LMX1B: variants seen among roughly 807,000 people sequenced by gnomAD.
The protein encoded by LMX1B is LIM homeobox transcription factor 1-beta.
Under a neutral mutation model 51.4 loss-of-function variants are expected in LMX1B, and 12 were observed. The ratio of observed to expected loss-of-function variants is 0.23; its 90% CI spans 0.15 to 0.38. The LOEUF is 0.38. Ranked by LOEUF, LMX1B falls within the 10% of genes least tolerant of loss-of-function variation. The pLI is 1.00. For synonymous variants in LMX1B, 237 were observed against 235.4 expected (o/e 1.01, Z -0.06); for missense variants, 445 against 571.1 (o/e 0.78, Z 2.25).
Position 126,641,091 on chromosome 9 carries a change from G to C in LMX1B, c.326+25522G>C, listed in dbSNP as rs149794196. 6.6e-6 allele frequency: 1 copy of C among 152,532 alleles called. No individual in the cohort carries two copies. Among genetic ancestry groups the C allele is most frequent in the East Asian group, 1.9e-4 (1 of 5,194 alleles). 9.4% of individuals were successfully genotyped at this position (152,532 alleles called of 1,614,324 possible). A position where few individuals can be genotyped will look rare whatever the true frequency, so the allele number is the denominator to read the frequency against. Reference sequence around the variant, plus strand: ...ACACCGAGTTTCTCCACGAGGCACAGAGCTGAGTAGGCAACCTGGCACGGG... The same window carrying C: ...ACACCGAGTTTCTCCACGAGGCACACAGCTGAGTAGGCAACCTGGCACGGG... On this transcript the variant is annotated intron_variant, in intron 2 of 7. Transcript: ENST00000373474. The surrounding 1 kb of genome is among the most constrained non-coding windows in gnomAD (Gnocchi z 4.1).
Position 126,691,653 on chromosome 9 carries a change from G to A in LMX1B, c.559+585G>A, listed in dbSNP as rs553251565. On this transcript the variant is annotated intron_variant, in intron 3 of 7. Coordinates refer to ENST00000373474, the MANE Select transcript of LMX1B (RefSeq NM_001174147.2). The stretch of plus-strand genomic sequence containing the variant: ...TGCCTTGATGGCCCCCCACCAACCC[G>A]CAGCCCAGCTCCACAGGGGTCTTCA... 4.0e-5 allele frequency among the ~76,000 whole-genome samples: 6 copies of A among 150,920 alleles called. 1 individual carries two copies. The South Asian group carries it at 6.3e-4, about 16-fold the overall frequency.
rs1564143314 is a variant in LMX1B, at chr9:126,614,485, G to A, written c.36G>A (p.Arg12=). 4 of 1,599,820 alleles carry A rather than the reference G, an allele frequency of 2.5e-6. No individual in the cohort carries two copies. Among genetic ancestry groups the A allele is most frequent in the Non-Finnish European group, 2.6e-6 (3 of 1,174,078 alleles). Residue 12 remains arginine, a synonymous_variant, in exon 1 of 8, where the codon AGG becomes AGA. Coordinates refer to ENST00000373474, the MANE Select transcript of LMX1B (RefSeq NM_001174147.2). The stretch of plus-strand genomic sequence containing the variant: ...CAACAGGTCCCGAGTCGCTGGAGAG[G>A]TGCTTCCCTCGCGGGCAGACGGACT... The part of the protein sequence containing the change: ...DIATGPESLE[R]CFPRGQTDCA...
In LMX1B at chr9:126,695,377, G is replaced by T. The variant is rs973819139; in HGVS notation, c.887-462G>T. ...TGCACCCTCACTTACCCGGCGGTCT[G>T]TCTCCTCCATGCCTTTGCCGCCCCT... On this transcript the variant is annotated intron_variant, in intron 6 of 7. Coordinates refer to ENST00000373474, the MANE Select transcript of LMX1B (RefSeq NM_001174147.2). The surrounding 1 kb of genome is among the most constrained non-coding windows in gnomAD (Gnocchi z 5.2). 6.6e-6 allele frequency among the ~76,000 whole-genome samples: 1 copy of T among 152,160 alleles called. No individual in the cohort carries two copies. The highest frequency in any genetic ancestry group is 2.4e-5 in the African/African-American group (1 of 41,432).
intron 2 of LMX1B, among the ~76,000 whole-genome samples, chr9:126,684,387 C>A (rs907036399): frequency 2.6e-5 from 4 of 152,138 alleles, no homozygotes; most frequent in Non-Finnish European, 4.4e-5. Flanking sequence ...AGAGAGCACA[C>A]ACCTATTAAG....
intron 2 of LMX1B, among the ~76,000 whole-genome samples, chr9:126,669,385 C>T (rs550525229): frequency 7.0e-4 from 107 of 152,270 alleles, no homozygotes; most frequent in African/African-American, 2.6e-3. Context: ...TGGGTCACTG[C>T]CCTCTCTGCC....
chr9:126,681,535 T>C (rs768367149), intron 2 of LMX1B, among the ~76,000 whole-genome samples: 2 of 151,988 alleles, frequency 1.3e-5, no homozygotes, highest in Non-Finnish European at 2.9e-5. Context: ...CTGTGCTAAC[T>C]TCCCAAAGCC....
chr9:126,640,294 C>T (rs1835785594), intron 2 of LMX1B, among the ~76,000 whole-genome samples: 1 of 152,092 alleles, frequency 6.6e-6, no homozygotes, highest in Admixed American at 6.5e-5. Flanking sequence ...CAGCGGGCAG[C>T]CCTGTGCCTC....
intron 2 of LMX1B, among the ~76,000 whole-genome samples, chr9:126,656,461 A>G (rs1391682447): frequency 2.2e-4 from 34 of 152,164 alleles, no homozygotes; most frequent in Admixed American, 2.1e-3. Context: ...CTCAGAGGCC[A>G]TCTCCCCAGG....
chr9:126,668,875 G>T (rs1836395617), intron 2 of LMX1B, among the ~76,000 whole-genome samples: 2 of 152,256 alleles, frequency 1.3e-5, no homozygotes, highest in Non-Finnish European at 2.9e-5. Flanking sequence ...TGATAGACAG[G>T]CAGGGAGAGG....
intron 2 of LMX1B, among the ~76,000 whole-genome samples, chr9:126,686,761 A>T (rs1272494023): frequency 6.6e-6 from 1 of 152,208 alleles, no homozygotes. Flanking sequence ...GTGTGACCTT[A>T]AAAGAGTGAC....
At chr9:126,652,564 T>C (rs953663658) in intron 2 of LMX1B, among the ~76,000 whole-genome samples, 3 of 152,234 alleles carry the variant, frequency 2.0e-5, no homozygotes, top group African/African-American at 4.8e-5. Context: ...CTGTCCTCCG[T>C]GTGTACACAT....
intron 2 of LMX1B, among the ~76,000 whole-genome samples, chr9:126,659,718 G>A (rs1455300584): frequency 6.6e-6 from 1 of 151,976 alleles, no homozygotes; most frequent in Non-Finnish European, 1.5e-5. Flanking sequence ...TGCCTACACT[G>A]GCCTTAGAGA....
At position 126,691,029 on chromosome 9, in the gene LMX1B, GACCTGCTC is replaced by G; in HGVS notation, c.522_529del (p.Asp174GlufsTer16). On this transcript the variant is annotated frameshift_variant, in exon 3 of 8. Coordinates refer to ENST00000373474, the MANE Select transcript of LMX1B (RefSeq NM_001174147.2). LOFTEE classifies it high-confidence loss of function. ...CAAGGGTGACTACGAGAAGGAGAAG[GACCTGCTC>G]AGCTCCGTGAGCCCCGACGAGTCCG... is the stretch of plus-strand genomic sequence containing the variant. 6.2e-7 allele frequency: 1 copy of G among 1,613,722 alleles called. No individual in the cohort carries two copies. The highest frequency in any genetic ancestry group is 8.5e-7 in the Non-Finnish European group (1 of 1,179,822).
In LMX1B at chr9:126,693,731, G is replaced by A. The variant is rs2118993229; in HGVS notation, c.820-15G>A. 2 of 1,565,050 alleles carry A rather than the reference G, an allele frequency of 1.3e-6. No homozygotes were observed. Among genetic ancestry groups the A allele is most frequent in the South Asian group, 1.2e-5 (1 of 85,958 alleles). Reference sequence around the variant, plus strand: ...GCGAGGGGCAGCACCGGCCTGAACTGCGCTCTCCCTGCAGATGAAGAAGCT... The same window carrying A: ...GCGAGGGGCAGCACCGGCCTGAACTACGCTCTCCCTGCAGATGAAGAAGCT... On this transcript the variant is annotated splice_polypyrimidine_tract_variant and intron_variant, in intron 5 of 7. Coordinates refer to ENST00000373474, the MANE Select transcript of LMX1B (RefSeq NM_001174147.2).
At chr9:126,688,150 G>C (rs539186910) in intron 2 of LMX1B, among the ~76,000 whole-genome samples, 51 of 152,340 alleles carry the variant, frequency 3.3e-4, no homozygotes, top group Non-Finnish European at 6.8e-4. Flanking sequence ...TGAGTGGCTG[G>C]CGCTGCCTCT....
intron 6 of LMX1B, 158 bp downstream of exon 6, chr9:126,693,970 G>A: frequency 1.7e-6 from 1 of 589,544 alleles, no homozygotes. Flanking sequence ...AGGGACAAAG[G>A]GGCCCGGGAT....
chr9:126,619,905 C>T (rs1234921998), intron 2 of LMX1B, among the ~76,000 whole-genome samples: 6 of 152,160 alleles, frequency 3.9e-5, no homozygotes, highest in Non-Finnish European at 8.8e-5. Flanking sequence ...TGGAGCCAGG[C>T]TTAGAGACCC....
intron 2 of LMX1B, among the ~76,000 whole-genome samples, chr9:126,661,941 A>C (rs193301596): frequency 2.0e-5 from 3 of 152,252 alleles, no homozygotes; most frequent in East Asian, 3.9e-4. Context: ...AAATTACCTA[A>C]TGAATCAACA....
intron 2 of LMX1B, among the ~76,000 whole-genome samples, chr9:126,664,008 C>T (rs1240646200): frequency 3.9e-5 from 6 of 152,200 alleles, no homozygotes; most frequent in African/African-American, 1.4e-4. Flanking sequence ...TGCCAGGGCT[C>T]CTCTGCCCTC....
Sources: allele counts gnomAD v4.1 joint callset (sites outside exome capture counted in the v4.1 genomes callset), GRCh38; gene constraint gnomAD v4.1.1; non-coding constraint Gnocchi (gnomAD v3.1); transcripts MANE v1.5; gene names NCBI Gene and HGNC (gene_info 2026-07-23, HGNC 2026-07-21).